ERCC8: variants seen among roughly 807,000 people sequenced by gnomAD.
ERCC8 encodes the protein DNA excision repair protein ERCC-8.
ERCC8 carries 52 observed loss-of-function variants against 54.9 expected under a neutral mutation model. The observed-to-expected ratio is 0.95, with a 90% CI of 0.76 to 1.19. The LOEUF (loss-of-function observed/expected upper bound fraction) is 1.19, where lower values mean the gene tolerates loss of function less well. Among genes scored for constraint, ERCC8 ranks in the 50% most tolerant of loss-of-function variants. The probability of loss-of-function intolerance (pLI) is 0.00; values close to 1 mark genes in which losing one functional copy is unlikely to be tolerated. For synonymous variants in ERCC8, 146 were observed against 157.2 expected (o/e 0.93, Z 0.53); for missense variants, 514 against 466.1 (o/e 1.10, Z -0.95).
intron 11 of ERCC8, among the ~76,000 whole-genome samples, chr5:60,876,585 G>A (rs918437267): frequency 6.6e-6 from 1 of 152,206 alleles, no homozygotes; most frequent in East Asian, 1.9e-4. Context: ...ACTGGTGTGA[G>A]ATGGTATCTC....
At chr5:60,930,246 A>G (rs1443839699) in intron 1 of ERCC8, among the ~76,000 whole-genome samples, 1 of 152,118 alleles carries the variant, frequency 6.6e-6, no homozygotes, top group Non-Finnish European at 1.5e-5. Flanking sequence ...CCTGGCCAAC[A>G]TGGCTAAACC....
At chr5:60,900,473 G>C (rs1748844075) in intron 7 of ERCC8, among the ~76,000 whole-genome samples, 1 of 151,562 alleles carries the variant, frequency 6.6e-6, no homozygotes, top group African/African-American at 2.4e-5. Context: ...GTAACCCAGG[G>C]GGCTTATCAA....
Position 60,882,970 on chromosome 5 carries a change from A to AACACACACAC in ERCC8, c.1122+4460_1122+4469dup, listed in dbSNP as rs10550173. ...TAACTACCAAAAATAGCCCTGGGAA[A>AACACACACAC]ACACACACACACACACACACACACA... On this transcript the variant is annotated intron_variant, in intron 11 of 11. Coordinates refer to ENST00000676185, the MANE Select transcript of ERCC8 (RefSeq NM_000082.4). Among the ~76,000 whole-genome samples, 545 of 144,822 alleles carry AACACACACAC rather than the reference A, an allele frequency of 3.8e-3. 3 individuals carry two copies. The highest frequency in any genetic ancestry group is 0.013 in the African/African-American group (503 of 39,152).
chr5:60,904,634 G>GTATATATATATA (rs869039109), intron 5 of ERCC8, among the ~76,000 whole-genome samples, 158 bp downstream of exon 5: 34 of 49,902 alleles, frequency 6.8e-4, no homozygotes, highest in African/African-American at 1.9e-3. Context: ...GTGTGTGTGT[G>GTATATATATATA]TATATATATA....
rs187463020 is a variant in ERCC8 at position 60,878,716 on chromosome 5, T to A, written c.1123-4033A>T. On this transcript the variant is annotated intron_variant, in intron 11 of 11. Transcript: ENST00000676185. ...TATTTCTGTGGGATTGGTGGTGATA[T>A]CCCCTTTATCATTTTTTTTGCGTCT... Among the ~76,000 whole-genome samples, 1,289 of 146,150 alleles carry A rather than the reference T, an allele frequency of 8.8e-3. 14 individuals carry two copies. The highest frequency in any genetic ancestry group is 0.03 in the African/African-American group (1,219 of 41,128).
In ERCC8 at chr5:60,943,399, G is replaced by A. The variant is rs192895225; in HGVS notation, c.77+1533C>T. 1.1e-3 allele frequency among the ~76,000 whole-genome samples: 172 copies of A among 152,280 alleles called. 1 individual carries two copies. Among genetic ancestry groups the A allele is most frequent in the Non-Finnish European group, 1.2e-3 (81 of 68,014 alleles). On this transcript the variant is annotated intron_variant, in intron 1 of 11. Coordinates refer to ENST00000676185, the MANE Select transcript of ERCC8 (RefSeq NM_000082.4). ...ATTAACCGTGAGAAATAGCATAAAA[G>A]TTTGCTACTAGCTTTTCAGTTCACA...
chr5:60,869,819 AAAGTG>A lies in ERCC8; in HGVS notation c.*4791_*4795del, dbSNP rs139572821. Among the ~76,000 whole-genome samples the A allele has an allele frequency of 0.063, 9,605 of 152,210 alleles. 991 individuals are homozygous for A. The highest frequency in any genetic ancestry group is 0.22 in the African/African-American group (9,139 of 41,462). On this transcript the variant is annotated 3_prime_UTR_variant, in exon 12 of 12. Transcript: ENST00000676185. ...ATAATGACTAGTTAAAAATGGAATC[AAAGTG>A]AAGTGAACAAATGGCCTAAGTATTC...
At chr5:60,930,417 C>T (rs1223579123) in intron 1 of ERCC8, among the ~76,000 whole-genome samples, 1 of 151,946 alleles carries the variant, frequency 6.6e-6, no homozygotes. Flanking sequence ...ATTAGCTGGG[C>T]GTGGTGGCCT....
In ERCC8 at chr5:60,929,184, T is replaced by C. The variant is rs546085526; in HGVS notation, c.78-225A>G. ...TTTTAAAGGTATTTAAAGACGGAAA[T>C]TTGTACGAAAAAAGTTAAATTCTGA... On this transcript the variant is annotated intron_variant, in intron 1 of 11. Coordinates refer to ENST00000676185, the MANE Select transcript of ERCC8 (RefSeq NM_000082.4). Among the ~76,000 whole-genome samples, 12 of 152,244 alleles carry C rather than the reference T, an allele frequency of 7.9e-5. No individual in the cohort carries two copies. The South Asian group carries it at 2.3e-3, about 29-fold the overall frequency.
chr5:60,932,544 A>G (rs1275540966), intron 1 of ERCC8, among the ~76,000 whole-genome samples: 1 of 152,160 alleles, frequency 6.6e-6, no homozygotes, highest in African/African-American at 2.4e-5. Flanking sequence ...TGTTGTCACA[A>G]TTTGTTGCTA....
At chr5:60,888,202 G>T (rs1253600692) in intron 10 of ERCC8, among the ~76,000 whole-genome samples, 4 of 152,118 alleles carry the variant, frequency 2.6e-5, no homozygotes, top group African/African-American at 9.7e-5. Context: ...ACAATGTGAG[G>T]CATGGTATAA....
chr5:60,944,331 TTC>T (rs1750358822), intron 1 of ERCC8, among the ~76,000 whole-genome samples: 1 of 152,110 alleles, frequency 6.6e-6, no homozygotes, highest in Non-Finnish European at 1.5e-5. Context: ...CCCACTCTTG[TTC>T]TCAGTTGCAA....
intron 5 of ERCC8, among the ~76,000 whole-genome samples, chr5:60,904,518 G>A (rs543354780): frequency 6.6e-6 from 1 of 150,924 alleles, no homozygotes; most frequent in South Asian, 2.1e-4. Context: ...GAACTCTTTA[G>A]ACAGAAATAC....
chr5:60,886,446 A>C (rs555507593), intron 11 of ERCC8, among the ~76,000 whole-genome samples: 4 of 152,290 alleles, frequency 2.6e-5, no homozygotes, highest in Non-Finnish European at 5.9e-5. Context: ...TCATGCGTGT[A>C]ATCCCAGCAC....
rs769618520 is a variant in ERCC8 at position 60,898,366 on chromosome 5, T to A, written c.753A>T (p.Leu251Phe). ...GGTGAAGTCCATCACTTGTAAAACA[T>A]AAGCCATTAACTTTCCCATTATGAG... Reference protein sequence around the residue: ...NTAHNGKVNGLCFTSDGLHLL... With the variant: ...NTAHNGKVNGFCFTSDGLHLL... Residue 251 changes from leucine (L) to phenylalanine (F), a missense_variant, in exon 9 of 12, where the codon TTA (leucine) becomes TTT (phenylalanine). Physicochemically the swap from Leu to Phe is conservative, Grantham distance 22. Coordinates refer to ENST00000676185, the MANE Select transcript of ERCC8 (RefSeq NM_000082.4). 1 of 1,613,646 alleles carries A rather than the reference T, an allele frequency of 6.2e-7. No individual in the cohort carries two copies. Among genetic ancestry groups the A allele is most frequent in the South Asian group, 1.1e-5 (1 of 91,070 alleles).
At position 60,891,566 on chromosome 5, in the gene ERCC8, AT is replaced by A. The variant is rs112240339; in HGVS notation, c.844-481del. ...TTTTCAAAAGACTACCCCACCAAGAATTTTTTTTGGGGCTAATACCCCCCAA... is the reference window on the plus strand; with the variant it reads ...TTTTCAAAAGACTACCCCACCAAGAATTTTTTTGGGGCTAATACCCCCCAA... On this transcript the variant is annotated intron_variant, in intron 9 of 11. Transcript: ENST00000676185. Among the ~76,000 whole-genome samples the A allele has an allele frequency of 6.2e-4, 94 of 151,284 alleles. 1 individual carries two copies. The highest frequency in any genetic ancestry group is 2.2e-3 in the African/African-American group (89 of 41,240).
At chr5:60,908,507 A>G (rs1749145328) in intron 4 of ERCC8, among the ~76,000 whole-genome samples, 1 of 151,268 alleles carries the variant, frequency 6.6e-6, no homozygotes, top group Non-Finnish European at 1.5e-5. Flanking sequence ...TAACAAAATA[A>G]CAATATAATC....
At chr5:60,877,452 A>C (rs1047525847) in intron 11 of ERCC8, among the ~76,000 whole-genome samples, 1 of 152,158 alleles carries the variant, frequency 6.6e-6, no homozygotes, top group Non-Finnish European at 1.5e-5. Context: ...TTGAATCTAT[A>C]AATTACCTTG....
rs1747773515 is a variant in ERCC8 at position 60,867,275 on chromosome 5, G to C, written c.*7340C>G. On this transcript the variant is annotated 3_prime_UTR_variant, in exon 12 of 12. Coordinates refer to ENST00000676185, the MANE Select transcript of ERCC8 (RefSeq NM_000082.4). The stretch of plus-strand genomic sequence containing the variant: ...TTTCTTTTTCTTTTCATTTTTTTGA[G>C]ACAGAGTCTTGCTCTGTCACTCAGG... Among the ~76,000 whole-genome samples, 1 of 151,480 alleles carries C rather than the reference G, an allele frequency of 6.6e-6. No homozygotes were observed. The highest frequency in any genetic ancestry group is 1.5e-5 in the Non-Finnish European group (1 of 67,944).
Sources: gnomAD v4.1 joint callset for allele counts (sites outside exome capture counted in the v4.1 genomes callset) on GRCh38, gnomAD v4.1.1 for gene constraint, MANE v1.5 for transcripts, NCBI Gene and HGNC (gene_info 2026-07-23, HGNC 2026-07-21) for gene names.